TTC39B: variants seen among roughly 807,000 people sequenced by gnomAD.
TTC39B encodes the protein tetratricopeptide repeat domain 39B, also known as tetratricopeptide repeat protein 39B.
TTC39B carries 92 observed loss-of-function variants against 96.6 expected under a neutral mutation model. The observed-to-expected ratio is 0.95, with a 90% CI of 0.80 to 1.13. The LOEUF is 1.13. TTC39B is among the 50% of genes most tolerant of loss of function. The pLI is 0.00. For synonymous variants in TTC39B, 367 were observed against 299.4 expected, an observed-to-expected ratio of 1.23 and a Z score of -2.33; for missense variants, 955 against 809.3, an observed-to-expected ratio of 1.18 and a Z score of -2.18.
At chr9:15,183,081 T>C (rs936414827) in intron 16 of TTC39B, among the ~76,000 whole-genome samples, 1 of 152,130 alleles carries the variant, frequency 6.6e-6, no homozygotes, top group Non-Finnish European at 1.5e-5. Flanking sequence ...GATAGTGCAG[T>C]TCGTATTTTG....
chr9:15,233,601 G>A (rs1294707742), intron 2 of TTC39B, among the ~76,000 whole-genome samples: 2 of 152,166 alleles, frequency 1.3e-5, no homozygotes, highest in South Asian at 2.1e-4. Context: ...CCAGTGATCC[G>A]CCAGCCTCGG....
At position 15,268,288 on chromosome 9, in the gene TTC39B, A is replaced by T. The variant is rs139266434; in HGVS notation, c.241-340T>A. 2.0e-3 allele frequency among the ~76,000 whole-genome samples: 301 copies of T among 152,244 alleles called. 1 individual carries two copies. Among genetic ancestry groups the T allele is most frequent in the African/African-American group, 6.6e-3 (276 of 41,546 alleles). ...ACTATAGAGTAAAATAAATAAGAGG[A>T]CTTGCCCGATGTAGTCTTTTCTTTC... is the stretch of plus-strand genomic sequence containing the variant. On this transcript the variant is annotated intron_variant, in intron 1 of 19. Transcript: ENST00000512701.
At chr9:15,172,748 A>T in intron 19 of TTC39B, among the ~76,000 whole-genome samples, 1 of 152,034 alleles carries the variant, frequency 6.6e-6, no homozygotes, top group East Asian at 1.9e-4. Flanking sequence ...AAAATGGAAT[A>T]CTTTTACATA....
At chr9:15,249,852 C>T (rs2131501600) in intron 2 of TTC39B, 2 of 1,118,444 alleles carry the variant, frequency 1.8e-6, no homozygotes, top group Admixed American at 4.4e-5. Context: ...ATTAAACCCT[C>T]ATAGATTTAA....
At chr9:15,203,972 G>T in intron 6 of TTC39B, 82 bp from the exon 7 acceptor site, 1 of 1,339,308 alleles carries the variant, frequency 7.5e-7, no homozygotes, top group Non-Finnish European at 1.0e-6. Flanking sequence ...AAGACTGGCA[G>T]AAAAATGAAC....
chr9:15,203,011 T>C (rs1304185171), intron 7 of TTC39B, among the ~76,000 whole-genome samples: 1 of 151,886 alleles, frequency 6.6e-6, no homozygotes, highest in African/African-American at 2.4e-5. Context: ...AAGGAAGAAA[T>C]AAAAGAAAGG....
chr9:15,240,284 G>A (rs746049229), intron 2 of TTC39B, among the ~76,000 whole-genome samples: 27 of 152,222 alleles, frequency 1.8e-4, no homozygotes, highest in Middle Eastern at 3.4e-3. Context: ...TGTTCCTCAC[G>A]AAGGAAAAAC....
chr9:15,199,082 A>T (rs975092048), intron 8 of TTC39B, among the ~76,000 whole-genome samples: 5 of 152,210 alleles, frequency 3.3e-5, no homozygotes, highest in African/African-American at 1.2e-4. Flanking sequence ...GAAGAAAGGG[A>T]TGACTCCAGA....
chr9:15,259,897 G>A (rs975735400), intron 2 of TTC39B, among the ~76,000 whole-genome samples: 7 of 152,196 alleles, frequency 4.6e-5, no homozygotes, highest in African/African-American at 9.6e-5. Flanking sequence ...TGCCCCAGCC[G>A]AGGGTGACAG....
At chr9:15,261,678 T>G (rs1192475652) in intron 2 of TTC39B, among the ~76,000 whole-genome samples, 1 of 152,132 alleles carries the variant, frequency 6.6e-6, no homozygotes, top group East Asian at 1.9e-4. Flanking sequence ...CCCTCTGCAC[T>G]GCCTCTACCA....
chr9:15,222,393 T>C (rs185254381), intron 3 of TTC39B, among the ~76,000 whole-genome samples: 2 of 152,340 alleles, frequency 1.3e-5, no homozygotes, highest in Admixed American at 6.5e-5. Context: ...GGTTCATCAC[T>C]TCAATCTTTA....
At position 15,242,561 on chromosome 9, in the gene TTC39B, T is replaced by A. The variant is rs536490576; in HGVS notation, c.276-16549A>T. On this transcript the variant is annotated intron_variant, in intron 2 of 19. Coordinates refer to ENST00000512701, the Ensembl canonical transcript of TTC39B. Reference sequence around the variant, plus strand: ...TCATGTCACTACACTCCAACCTGGGTGACAGAGCAAGACCCTATCTCAAAA... The same window carrying A: ...TCATGTCACTACACTCCAACCTGGGAGACAGAGCAAGACCCTATCTCAAAA... 2.2e-3 allele frequency among the ~76,000 whole-genome samples: 331 copies of A among 152,014 alleles called. 2 individuals are homozygous for A. Among genetic ancestry groups the A allele is most frequent in the Admixed American group, 3.6e-3 (55 of 15,274 alleles).
At chr9:15,203,501 T>G (rs1174775303) in intron 7 of TTC39B, among the ~76,000 whole-genome samples, 1 of 151,690 alleles carries the variant, frequency 6.6e-6, no homozygotes, top group East Asian at 1.9e-4. Flanking sequence ...CCTCAGGTGA[T>G]CCGCCCACCT....
chr9:15,165,929 A>C (rs749941018), exon 20 of TTC39B: 8 of 152,348 alleles, frequency 5.3e-5, no homozygotes, highest in Middle Eastern at 3.4e-3. Context: ...AATATTCTTT[A>C]TTATACTTAT....
exon 20 of TTC39B, chr9:15,164,290 T>C (rs1237093010): frequency 6.6e-6 from 1 of 152,116 alleles, no homozygotes; most frequent in African/African-American, 2.4e-5. Context: ...GAACATTAAA[T>C]TATAAAGTAC....
intron 8 of TTC39B, among the ~76,000 whole-genome samples, chr9:15,198,462 ATAT>A (rs761788372): frequency 8.0e-5 from 6 of 74,996 alleles, no homozygotes; most frequent in Non-Finnish European, 1.2e-4. Context: ...GGTCGCAAAA[ATAT>A]ATATATATAT....
At chr9:15,184,472 G>C (rs116457820) in intron 16 of TTC39B, among the ~76,000 whole-genome samples, 1 of 149,854 alleles carries the variant, frequency 6.7e-6, no homozygotes, top group African/African-American at 2.4e-5. Flanking sequence ...TGCAGACATC[G>C]GTTACACTGA....
At chr9:15,204,712 C>A (rs1322635143) in intron 6 of TTC39B, among the ~76,000 whole-genome samples, 1 of 152,066 alleles carries the variant, frequency 6.6e-6, no homozygotes, top group African/African-American at 2.4e-5. Context: ...ATGTCCTGCA[C>A]GGCCACGTTA....
intron 15 of TTC39B, 167 bp downstream of exon 15, chr9:15,186,777 C>A: frequency 1.6e-6 from 1 of 607,332 alleles, no homozygotes; most frequent in South Asian, 2.1e-5. Context: ...TCACTTGCAA[C>A]CTCCACCTCC....
Sources: allele counts gnomAD v4.1 joint callset (sites outside exome capture counted in the v4.1 genomes callset), GRCh38; gene constraint gnomAD v4.1.1; transcripts MANE v1.5; gene names NCBI Gene and HGNC (gene_info 2026-07-23, HGNC 2026-07-21).